ITPR1: variants seen among roughly 807,000 people sequenced by gnomAD.
ITPR1 encodes inositol 1,4,5-trisphosphate-gated calcium channel ITPR1.
ITPR1 carries 96 observed loss-of-function variants against 318.4 expected under a neutral mutation model. That is an observed-to-expected ratio of 0.30 (90% CI 0.26 to 0.36). The LOEUF (loss-of-function observed/expected upper bound fraction) is 0.36, where lower values mean the gene tolerates loss of function less well. Among genes scored for constraint, ITPR1 ranks in the 10% least tolerant of loss-of-function variants. The pLI is 1.00. For missense variants in ITPR1, 2,440 were observed against 3,460.2 expected, an observed-to-expected ratio of 0.71 and a Z score of 7.40; for synonymous variants, 1,312 against 1,289.9, an observed-to-expected ratio of 1.02 and a Z score of -0.37.
At chr3:4,715,176 C>T (rs566912095) in intron 39 of ITPR1, among the ~76,000 whole-genome samples, 1 of 152,336 alleles carries the variant, frequency 6.6e-6, no homozygotes, top group East Asian at 1.9e-4. Context: ...CAAACCCAGA[C>T]AGTCCGATCC....
At chr3:4,675,631 C>T (rs896236093) in intron 23 of ITPR1, among the ~76,000 whole-genome samples, 2 of 152,080 alleles carry the variant, frequency 1.3e-5, no homozygotes, top group African/African-American at 2.4e-5. Context: ...TCTTGACATT[C>T]GTGAGACCCT....
chr3:4,508,750 C>T (rs1376362669), intron 2 of ITPR1, among the ~76,000 whole-genome samples: 2 of 152,048 alleles, frequency 1.3e-5, no homozygotes, highest in African/African-American at 4.8e-5. Context: ...AGGTTTCCAC[C>T]ACCCCCACTG....
At chr3:4,800,748 G>A (rs1444598023) in intron 54 of ITPR1, 148 bp downstream of exon 54, 2 of 810,472 alleles carry the variant, frequency 2.5e-6, no homozygotes, top group African/African-American at 1.7e-5. Flanking sequence ...GCAGGGGATG[G>A]CTGCAGGTGG....
At position 4,727,113 on chromosome 3, in the gene ITPR1, G is replaced by A. The variant is rs1295470158; in HGVS notation, c.5173-13G>A. The A allele has an allele frequency of 4.4e-6, 7 of 1,597,262 alleles. No individual in the cohort carries two copies. The highest frequency in any genetic ancestry group is 5.1e-6 in the Non-Finnish European group (6 of 1,178,114). On this transcript the variant is annotated splice_polypyrimidine_tract_variant and intron_variant, in intron 41 of 61. Coordinates refer to ENST00000649015, the MANE Select transcript of ITPR1 (RefSeq NM_001378452.1). ...AGTGTTGTATTAAAATGGAATTTCT[G>A]CATGCCTAGCAGGAGCTTGAACCAA...
At chr3:4,574,207 T>G (rs1284937640) in intron 4 of ITPR1, among the ~76,000 whole-genome samples, 2 of 152,116 alleles carry the variant, frequency 1.3e-5, no homozygotes, top group African/African-American at 2.4e-5. Context: ...TCTTCTTTTT[T>G]TTTTTTTCAG....
intron 42 of ITPR1, among the ~76,000 whole-genome samples, chr3:4,729,191 A>G (rs1032957524): frequency 6.6e-6 from 1 of 152,158 alleles, no homozygotes; most frequent in African/African-American, 2.4e-5. Flanking sequence ...TCTTTTTGCC[A>G]GATACTAGCT....
rs543628220 is a variant in ITPR1, at chr3:4,577,123, T to C, written c.164-50640T>C. On this transcript the variant is annotated intron_variant, in intron 4 of 61. Coordinates refer to ENST00000649015, the MANE Select transcript of ITPR1 (RefSeq NM_001378452.1). ...ACGCTGCCAGTTATATGTGGTAGAG[T>C]TGCATTCCACAGACCCCCCTACTGA... Among the ~76,000 whole-genome samples the C allele has an allele frequency of 1.9e-4, 29 of 152,228 alleles. No individual in the cohort carries two copies. The South Asian group carries it at 3.5e-3, about 19-fold the overall frequency.
chr3:4,747,178 A>G (rs1264686401), intron 44 of ITPR1, among the ~76,000 whole-genome samples: 2 of 152,184 alleles, frequency 1.3e-5, no homozygotes, highest in Admixed American at 1.3e-4. Context: ...TGTAATAATG[A>G]TGGACAGTAG....
At chr3:4,807,675 T>C (rs1262986489) in intron 55 of ITPR1, among the ~76,000 whole-genome samples, 1 of 152,258 alleles carries the variant, frequency 6.6e-6, no homozygotes, top group African/African-American at 2.4e-5. Context: ...CTAAAGGGAA[T>C]GGATTCTTTT....
intron 4 of ITPR1, among the ~76,000 whole-genome samples, chr3:4,577,580 A>T (rs1011296755): frequency 1.3e-5 from 2 of 152,184 alleles, no homozygotes; most frequent in Non-Finnish European, 2.9e-5. Flanking sequence ...TTTTCAGCTT[A>T]TAGCCACAAG....
intron 44 of ITPR1, among the ~76,000 whole-genome samples, chr3:4,756,399 G>C (rs1286500573): frequency 6.6e-6 from 1 of 152,030 alleles, no homozygotes; most frequent in African/African-American, 2.4e-5. Context: ...ATGTCACTGG[G>C]GTTTGTTGTA....
At chr3:4,548,329 T>G (rs373186340) in intron 4 of ITPR1, among the ~76,000 whole-genome samples, 3 of 152,336 alleles carry the variant, frequency 2.0e-5, no homozygotes, top group Non-Finnish European at 4.4e-5. Context: ...TTCCACAATA[T>G]TTTCTAGCAA....
chr3:4,613,082 A>G (rs1022330295), intron 4 of ITPR1, among the ~76,000 whole-genome samples: 1 of 152,180 alleles, frequency 6.6e-6, no homozygotes, highest in Non-Finnish European at 1.5e-5. Context: ...GTTTGCTTTT[A>G]TACGTTTTAG....
chr3:4,582,296 A>C (rs1359789951), intron 4 of ITPR1, among the ~76,000 whole-genome samples: 1 of 152,144 alleles, frequency 6.6e-6, no homozygotes, highest in South Asian at 2.1e-4. Flanking sequence ...CCGCTGGTTA[A>C]TTTAATGCCT....
intron 4 of ITPR1, among the ~76,000 whole-genome samples, chr3:4,537,494 T>G (rs2083980151): frequency 6.6e-6 from 1 of 152,236 alleles, no homozygotes; most frequent in Non-Finnish European, 1.5e-5. Context: ...TAGTATATGT[T>G]ACCTGTGAAT....
intron 44 of ITPR1, among the ~76,000 whole-genome samples, chr3:4,759,519 T>A (rs2045279116): frequency 6.6e-6 from 1 of 152,172 alleles, no homozygotes; most frequent in South Asian, 2.1e-4. Context: ...CAAGTCTCTT[T>A]CCCTTTCTGG....
At chr3:4,701,734 C>G (rs6802366) in intron 35 of ITPR1, among the ~76,000 whole-genome samples, 18,885 of 152,022 alleles carry the variant, frequency 0.12, 1,513 homozygotes, top group Non-Finnish European at 0.18. Flanking sequence ...GAAGGTAATT[C>G]CAAGTCACAG....
chr3:4,540,959 T>A (rs946178899), intron 4 of ITPR1, among the ~76,000 whole-genome samples: 2 of 138,878 alleles, frequency 1.4e-5, no homozygotes, highest in Non-Finnish European at 3.0e-5. Context: ...ACTTTATATG[T>A]GTTTTTTTTT....
At chr3:4,774,707 C>G (rs893672534) in intron 46 of ITPR1, among the ~76,000 whole-genome samples, 1 of 152,244 alleles carries the variant, frequency 6.6e-6, no homozygotes, top group Non-Finnish European at 1.5e-5. Flanking sequence ...CACTGTCACT[C>G]CTTCCTTTAA....
Sources: allele counts gnomAD v4.1 joint callset (sites outside exome capture counted in the v4.1 genomes callset), GRCh38; gene constraint gnomAD v4.1.1; transcripts MANE v1.5; gene names NCBI Gene and HGNC (gene_info 2026-07-23, HGNC 2026-07-21).